RIPOR3: variants seen among roughly 807,000 people sequenced by gnomAD.
RIPOR3 encodes RIPOR family member 3.
A neutral mutation model predicts 114.3 loss-of-function variants in RIPOR3; 95 were observed. That is an observed-to-expected ratio of 0.83 (90% CI 0.70 to 0.99). The LOEUF is 0.99. Among genes scored for constraint, RIPOR3 ranks in the 50% least tolerant of loss-of-function variants. The probability of loss-of-function intolerance (pLI) is 0.00; values close to 1 mark genes in which losing one functional copy is unlikely to be tolerated. For missense variants in RIPOR3, 1,252 were observed against 1,266.9 expected, an observed-to-expected ratio of 0.99 and a Z score of 0.18; for synonymous variants, 575 against 543.8, an observed-to-expected ratio of 1.06 and a Z score of -0.80.
chr20:50,655,130 C>G (rs2085764480), intron 1 of RIPOR3, among the ~76,000 whole-genome samples: 1 of 152,214 alleles, frequency 6.6e-6, no homozygotes. Flanking sequence ...TTGAGGTAAC[C>G]CAGACTTTTC....
intron 1 of RIPOR3, among the ~76,000 whole-genome samples, chr20:50,659,643 G>A (rs183493851): frequency 4.7e-5 from 5 of 106,474 alleles, no homozygotes; most frequent in Admixed American, 3.3e-4. Flanking sequence ...GCGAAACTCC[G>A]TCTCAAAAAA....
intron 14 of RIPOR3, 67 bp downstream of exon 14, chr20:50,597,513 C>T (rs904601331): frequency 3.9e-6 from 6 of 1,547,062 alleles, no homozygotes; most frequent in South Asian, 1.2e-5. Flanking sequence ...TGGCAGGAAA[C>T]GTGGAGCTCG....
intron 1 of RIPOR3, among the ~76,000 whole-genome samples, chr20:50,690,015 C>T (rs2087155103): frequency 6.6e-6 from 1 of 152,204 alleles, no homozygotes; most frequent in South Asian, 2.1e-4. Context: ...CCTTTCCGTG[C>T]CAGGGAGACA....
rs772734778 is a variant in RIPOR3 at position 50,608,546 on chromosome 20, G to A, written c.811-12C>T. On this transcript the variant is annotated splice_polypyrimidine_tract_variant and intron_variant, in intron 10 of 21. Transcript: ENST00000327979. ...CGCAACTCCGTCACCTGGGGGTGGG[G>A]GCTGGAGGGTGGTGTCTGAGCCGAA... is the stretch of plus-strand genomic sequence containing the variant. 9 of 1,613,606 alleles carry A rather than the reference G, an allele frequency of 5.6e-6. No individual in the cohort carries two copies. In the East Asian group the frequency reaches 1.6e-4, roughly 28 times the overall value.
At chr20:50,593,009 A>G (rs757081295) in intron 18 of RIPOR3, 26 bp downstream of exon 18, 12 of 1,612,388 alleles carry the variant, frequency 7.4e-6, no homozygotes, top group Non-Finnish European at 1.0e-5. Context: ...TTCCTCTGCT[A>G]TGACAGCCAC....
In RIPOR3 at chr20:50,590,444, A is replaced by C. The variant is rs1001538474; in HGVS notation, c.2578-675T>G. Among the ~76,000 whole-genome samples the C allele has an allele frequency of 5.3e-5, 8 of 152,310 alleles. No homozygotes were observed. In the East Asian group the frequency reaches 9.7e-4, roughly 18 times the overall value. Reference sequence around the variant, plus strand: ...CACTCAGTCGAGTGGCTGCACCTTCAACTGCACGGGTGGGGCGATGGAGGG... The same window carrying C: ...CACTCAGTCGAGTGGCTGCACCTTCCACTGCACGGGTGGGGCGATGGAGGG... On this transcript the variant is annotated intron_variant, in intron 19 of 21. Transcript: ENST00000327979.
At chr20:50,689,024 C>T (rs1183844614) in intron 1 of RIPOR3, among the ~76,000 whole-genome samples, 1 of 152,078 alleles carries the variant, frequency 6.6e-6, no homozygotes, top group African/African-American at 2.4e-5. Flanking sequence ...AGCTGCAGGG[C>T]CATAGGGTTG....
At chr20:50,587,361 G>T in intron 21 of RIPOR3, 29 bp from the exon 22 acceptor site, 1 of 1,595,214 alleles carries the variant, frequency 6.3e-7, no homozygotes, top group Non-Finnish European at 8.6e-7. Flanking sequence ...CTGTCAGCGG[G>T]TTGGATCCTG....
At chr20:50,593,848 T>C (rs2083193583) in intron 17 of RIPOR3, among the ~76,000 whole-genome samples, 2 of 151,988 alleles carry the variant, frequency 1.3e-5, no homozygotes, top group African/African-American at 2.4e-5. Context: ...GAAAGGCAAA[T>C]TCTGGGGAAG....
At chr20:50,630,259 T>C (rs567632620) in intron 2 of RIPOR3, among the ~76,000 whole-genome samples, 1 of 152,250 alleles carries the variant, frequency 6.6e-6, no homozygotes, top group South Asian at 2.1e-4. Context: ...TGAGCCACCG[T>C]GCCCAGCCCA....
At chr20:50,636,114 T>G (rs1418832490) in intron 1 of RIPOR3, among the ~76,000 whole-genome samples, 1 of 152,212 alleles carries the variant, frequency 6.6e-6, no homozygotes, top group Non-Finnish European at 1.5e-5. Context: ...ATCCATGACG[T>G]TGACTTGGAG....
intron 1 of RIPOR3, among the ~76,000 whole-genome samples, chr20:50,669,936 C>G (rs1029492574): frequency 2.0e-5 from 3 of 151,740 alleles, no homozygotes; most frequent in Middle Eastern, 3.4e-3. Context: ...GCGGGTGGAT[C>G]ACCTGAGGTC....
intron 1 of RIPOR3, among the ~76,000 whole-genome samples, chr20:50,681,706 C>T (rs1600770154): frequency 6.6e-6 from 1 of 152,216 alleles, no homozygotes; most frequent in Admixed American, 6.5e-5. Context: ...CTCACCACAC[C>T]GTTCCCCACA....
chr20:50,608,252 TGA>T lies in RIPOR3; in HGVS notation c.956+135_956+136del, dbSNP rs1326211100. ...CCTCGACCTGACTGAGGGGTGGGAG[TGA>T]GGGACAGATGAGGACCCGTGAGGGC... On this transcript the variant is annotated intron_variant, in intron 11 of 21. Transcript: ENST00000327979. The T allele has an allele frequency of 4.8e-5, 58 of 1,214,314 alleles. No individual in the cohort carries two copies. In the Middle Eastern group the frequency reaches 1.1e-3, roughly 22 times the overall value. 75.2% of individuals were successfully genotyped at this position (1,214,314 alleles called of 1,614,324 possible). A position where few individuals can be genotyped will look rare whatever the true frequency, so the allele number is the denominator to read the frequency against.
intron 1 of RIPOR3, among the ~76,000 whole-genome samples, chr20:50,667,628 C>T (rs997451241): frequency 2.0e-5 from 3 of 152,178 alleles, no homozygotes; most frequent in African/African-American, 7.2e-5. Context: ...CACCGCGGCT[C>T]AGCTCACTGT....
intron 1 of RIPOR3, among the ~76,000 whole-genome samples, chr20:50,654,376 A>G (rs1316561962): frequency 7.0e-6 from 1 of 143,550 alleles, no homozygotes; most frequent in Non-Finnish European, 1.5e-5. Flanking sequence ...TCCGTTGGCC[A>G]GGCTGGTCTC....
At chr20:50,658,734 A>G (rs757137248) in intron 1 of RIPOR3, among the ~76,000 whole-genome samples, 1 of 152,090 alleles carries the variant, frequency 6.6e-6, no homozygotes, top group East Asian at 1.9e-4. Flanking sequence ...CAATCTTTAC[A>G]TGTTATTTTA....
At chr20:50,639,541 G>T (rs557690331) in intron 1 of RIPOR3, among the ~76,000 whole-genome samples, 1 of 152,168 alleles carries the variant, frequency 6.6e-6, no homozygotes, top group Non-Finnish European at 1.5e-5. Context: ...GTGGCAAGTT[G>T]GTAGCATTGT....
intron 6 of RIPOR3, among the ~76,000 whole-genome samples, chr20:50,609,940 A>C (rs6020635): frequency 3.4e-5 from 5 of 145,868 alleles, no homozygotes; most frequent in East Asian, 4.2e-4. Context: ...CATCTGCCTC[A>C]CCTGCCTCAC....
Sources: gnomAD v4.1 joint callset for allele counts (sites outside exome capture counted in the v4.1 genomes callset) on GRCh38, gnomAD v4.1.1 for gene constraint, MANE v1.5 for transcripts, NCBI Gene and HGNC (gene_info 2026-07-23, HGNC 2026-07-21) for gene names.